Variants in CUX1 observed in about 807,000 individuals in gnomAD.
The protein encoded by CUX1 is protein CASP.
In CUX1, 31 loss-of-function variants were observed where a neutral mutation model predicts 158.8. The observed-to-expected ratio is 0.20, with a 90% CI of 0.15 to 0.26. The LOEUF (loss-of-function observed/expected upper bound fraction) is 0.26, where lower values mean the gene tolerates loss of function less well. Ranked by LOEUF, CUX1 falls within the 10% of genes least tolerant of loss-of-function variation. CUX1 has a pLI of 1.00. For synonymous variants in CUX1, 879 were observed against 862.1 expected (o/e 1.02, Z -0.34); for missense variants, 1,589 against 2,014.6 (o/e 0.79, Z 4.04).
At chr7:101,974,330 T>A (rs557698175) in intron 2 of CUX1, among the ~76,000 whole-genome samples, 1 of 152,236 alleles carries the variant, frequency 6.6e-6, no homozygotes, top group Non-Finnish European at 1.5e-5. Context: ...AACCACACAC[T>A]CTAGTTTTAT....
At chr7:102,115,836 A>G (rs1165858681) in intron 8 of CUX1, among the ~76,000 whole-genome samples, 2 of 152,198 alleles carry the variant, frequency 1.3e-5, no homozygotes, top group African/African-American at 4.8e-5. Context: ...TCTTTCATGC[A>G]GAACACCAGC....
intron 12 of CUX1, among the ~76,000 whole-genome samples, chr7:102,190,504 C>T (rs1284468268): frequency 1.3e-5 from 2 of 152,196 alleles, no homozygotes; most frequent in Non-Finnish European, 2.9e-5. Flanking sequence ...TCCAGGCTCA[C>T]TGACCTCCCC....
At chr7:101,933,320 A>C (rs895082735) in intron 2 of CUX1, among the ~76,000 whole-genome samples, 1 of 151,944 alleles carries the variant, frequency 6.6e-6, no homozygotes, top group Non-Finnish European at 1.5e-5. Flanking sequence ...GGAGGAGTTT[A>C]AAAAAAATAC....
intron 8 of CUX1, among the ~76,000 whole-genome samples, chr7:102,120,984 G>A (rs1226193694): frequency 1.3e-5 from 2 of 152,086 alleles, no homozygotes; most frequent in East Asian, 1.9e-4. Context: ...GTTCGCTTGA[G>A]CCTGGAAGTT....
chr7:102,043,361 G>C (rs1326880762), intron 3 of CUX1, among the ~76,000 whole-genome samples: 13 of 148,880 alleles, frequency 8.7e-5, no homozygotes, highest in Admixed American at 8.7e-4. Flanking sequence ...GTGTGTGTGT[G>C]TGTGTGTGTT....
chr7:101,873,039 A>C (rs1323523216), intron 1 of CUX1, among the ~76,000 whole-genome samples: 1 of 151,730 alleles, frequency 6.6e-6, no homozygotes, highest in African/African-American at 2.4e-5. Context: ...TGGCCAGTTA[A>C]TTTTTGTATT....
intron 2 of CUX1, among the ~76,000 whole-genome samples, chr7:102,000,114 G>A (rs781347491): frequency 2.6e-4 from 39 of 152,152 alleles, no homozygotes; most frequent in Admixed American, 1.3e-3. Context: ...TACTCAGAAG[G>A]CTGAGGCAGG....
intron 2 of CUX1, chr7:101,960,747 C>G (rs1810371849): frequency 6.6e-6 from 1 of 152,208 alleles, no homozygotes; most frequent in Non-Finnish European, 1.5e-5. Flanking sequence ...TGTTTATTTC[C>G]TACTGTGCAT....
intron 2 of CUX1, among the ~76,000 whole-genome samples, chr7:101,942,026 C>G (rs1326366187): frequency 1.3e-5 from 2 of 152,180 alleles, no homozygotes; most frequent in Non-Finnish European, 2.9e-5. Flanking sequence ...GTTTCCCAGG[C>G]CTGTTTTTGC....
At chr7:101,991,731 C>G (rs1815160413) in intron 2 of CUX1, among the ~76,000 whole-genome samples, 1 of 149,158 alleles carries the variant, frequency 6.7e-6, no homozygotes, top group African/African-American at 2.5e-5. Flanking sequence ...TGCACTTCAG[C>G]CTGGGGAACA....
At chr7:101,824,531 C>T (rs574088766) in intron 1 of CUX1, 1 of 152,190 alleles carries the variant, frequency 6.6e-6, no homozygotes, top group South Asian at 2.1e-4. Flanking sequence ...GCAGATGATA[C>T]CAAAGGTAAA....
chr7:102,165,946 C>T (rs961742584), intron 9 of CUX1, among the ~76,000 whole-genome samples: 3 of 152,196 alleles, frequency 2.0e-5, no homozygotes, highest in Admixed American at 1.3e-4. Context: ...TCCTGAGACA[C>T]GGTGTCGCTG....
chr7:101,952,863 G>A (rs921915583), intron 2 of CUX1, among the ~76,000 whole-genome samples: 5 of 152,252 alleles, frequency 3.3e-5, no homozygotes, highest in African/African-American at 1.2e-4. Flanking sequence ...CAGGGCACGT[G>A]TGTGTCCTCT....
chr7:102,202,397 G>A (rs184971511), intron 18 of CUX1, among the ~76,000 whole-genome samples, 193 bp downstream of exon 18: 138 of 152,238 alleles, frequency 9.1e-4, no homozygotes, highest in African/African-American at 3.1e-3. Flanking sequence ...GCCGAGCCCC[G>A]ACTGCAGCCA....
At chr7:102,052,245 C>A (rs28715744) in intron 3 of CUX1, among the ~76,000 whole-genome samples, 21,906 of 151,884 alleles carry the variant, frequency 0.14, 1,654 homozygotes, top group Middle Eastern at 0.22. Flanking sequence ...AACGTAATAC[C>A]CATTAGTGGT....
chr7:102,052,163 G>A (rs1389613888), intron 3 of CUX1, among the ~76,000 whole-genome samples: 1 of 150,580 alleles, frequency 6.6e-6, no homozygotes, highest in Non-Finnish European at 1.5e-5. Flanking sequence ...AGAGGTTGCA[G>A]TAAGCCGAGA....
chr7:102,055,073 A>G (rs1168911751), intron 3 of CUX1, among the ~76,000 whole-genome samples: 2 of 152,206 alleles, frequency 1.3e-5, no homozygotes, highest in South Asian at 2.1e-4. Flanking sequence ...CTTCCAATCC[A>G]TAAGCATTGG....
In CUX1 at chr7:102,255,466, C is replaced by T. The variant is rs190109478; in HGVS notation, c.*6424C>T. ...CATAAATGTGCACTTCCCCCATGCC[C>T]CCGTTCTTAAACTCTTAAGATGCCT... is the stretch of plus-strand genomic sequence containing the variant. On this transcript the variant is annotated 3_prime_UTR_variant, in exon 24 of 24. Transcript: ENST00000292535. 2.4e-3 allele frequency: 2,374 copies of T among 985,160 alleles called. 4 individuals carry two copies. The highest frequency in any genetic ancestry group is 2.5e-3 in the Non-Finnish European group (2,078 of 829,890). The allele number at this position is 985,160 out of a possible 1,614,324, so 61.0% of individuals were successfully genotyped here.
At chr7:101,891,055 G>A (rs1194645281) in intron 1 of CUX1, among the ~76,000 whole-genome samples, 1 of 152,100 alleles carries the variant, frequency 6.6e-6, no homozygotes, top group Non-Finnish European at 1.5e-5. Context: ...CTCTATGGCA[G>A]TATCTTTTAG....
Sources: gnomAD v4.1 joint callset for allele counts (sites outside exome capture counted in the v4.1 genomes callset) on GRCh38, gnomAD v4.1.1 for gene constraint, MANE v1.5 for transcripts, NCBI Gene and HGNC (gene_info 2026-07-23, HGNC 2026-07-21) for gene names.